Variants in SENP8 observed in about 807,000 individuals in gnomAD.
The protein encoded by SENP8 is SUMO peptidase family member, NEDD8 specific, also known as sentrin-specific protease 8.
In SENP8, 10 loss-of-function variants were observed where a neutral mutation model predicts 14.4. The ratio of observed to expected loss-of-function variants is 0.69; its 90% CI spans 0.43 to 1.18. SENP8 has a LOEUF of 1.18. SENP8 is among the 50% of genes most tolerant of loss of function. The probability of loss-of-function intolerance (pLI) is 0.00; values close to 1 mark genes in which losing one functional copy is unlikely to be tolerated. For synonymous variants in SENP8, 94 were observed against 95.5 expected (o/e 0.98, Z 0.09); for missense variants, 202 against 249.4 (o/e 0.81, Z 1.28).
Position 72,140,200 on chromosome 15 carries a change from G to T in SENP8, c.577G>T (p.Ala193Ser). The T allele has an allele frequency of 1.2e-6, 2 of 1,614,124 alleles. No homozygotes were observed. Among genetic ancestry groups the T allele is most frequent in the Non-Finnish European group, 1.7e-6 (2 of 1,180,004 alleles). ...TESLLQLLTP[A>S]YITKKRGEWK... ...ATCACTGCTGCAGCTACTCACCCCT[G>T]CATACATCACAAAGAAGAGGGGAGA... is the stretch of plus-strand genomic sequence containing the variant. The change falls in exon 2 of 2, where the codon GCA becomes TCA. Residue 193 changes from alanine to serine, a missense_variant. Coordinates refer to ENST00000340912, the MANE Select transcript of SENP8 (RefSeq NM_145204.4).
intron 1 of SENP8, among the ~76,000 whole-genome samples, chr15:72,137,292 G>A (rs950957323): frequency 1.4e-5 from 2 of 147,086 alleles, no homozygotes; most frequent in Non-Finnish European, 3.0e-5. Flanking sequence ...TGTAAAAAAG[G>A]CGTATACCTT....
rs559891720 is a variant in SENP8, at chr15:72,128,207, A to G, written c.-48+9743A>G. Among the ~76,000 whole-genome samples, 7 of 152,340 alleles carry G rather than the reference A, an allele frequency of 4.6e-5. No individual in the cohort carries two copies. In the South Asian group the frequency reaches 8.3e-4, roughly 18 times the overall value. On this transcript the variant is annotated intron_variant, in intron 1 of 1. Coordinates refer to ENST00000340912, the MANE Select transcript of SENP8 (RefSeq NM_145204.4). Reference sequence around the variant, plus strand: ...TTGGATGATGTCTGTAATCCATTATATAGTAACCAGGTTCAATTTTCAGTC... The same window carrying G: ...TTGGATGATGTCTGTAATCCATTATGTAGTAACCAGGTTCAATTTTCAGTC...
rs2081377794 is a variant in SENP8, at chr15:72,141,246, A to G, written c.*984A>G. The G allele has an allele frequency of 6.6e-6, 1 of 152,210 alleles. No individual in the cohort carries two copies. Among genetic ancestry groups the G allele is most frequent in the African/African-American group, 2.4e-5 (1 of 41,442 alleles). 9.4% of individuals were successfully genotyped at this position (152,210 alleles called of 1,614,324 possible). On this transcript the variant is annotated 3_prime_UTR_variant, in exon 2 of 2. Coordinates refer to ENST00000340912, the MANE Select transcript of SENP8 (RefSeq NM_145204.4). ...GATTTTTGTATCTGAAACTTAACAGACTTAGAGTTGGTTTGTTTTTTAAAT... is the reference window on the plus strand; with the variant it reads ...GATTTTTGTATCTGAAACTTAACAGGCTTAGAGTTGGTTTGTTTTTTAAAT...
At chr15:72,115,052 C>T (rs1186432087), upstream of SENP8, among the ~76,000 whole-genome samples, 2 of 152,116 alleles carry the variant, frequency 1.3e-5, no homozygotes, top group African/African-American at 2.4e-5. Context: ...CCCTCAGGAA[C>T]TATATACTAC....
At chr15:72,136,997 T>C (rs1454537931) in intron 1 of SENP8, among the ~76,000 whole-genome samples, 1 of 152,182 alleles carries the variant, frequency 6.6e-6, no homozygotes, top group Non-Finnish European at 1.5e-5. Context: ...TTGTCTTGCT[T>C]CTCCTCTAAA....
chr15:72,130,557 A>ATTTTTTT (rs11411490), intron 1 of SENP8, among the ~76,000 whole-genome samples: 18 of 106,128 alleles, frequency 1.7e-4, no homozygotes, highest in East Asian at 5.7e-4. Flanking sequence ...ATGTTTTAGG[A>ATTTTTTT]TTTTTTTTTT....
chr15:72,126,286 C>T (rs1364023532), intron 1 of SENP8, among the ~76,000 whole-genome samples: 2 of 152,084 alleles, frequency 1.3e-5, no homozygotes, highest in East Asian at 1.9e-4. Context: ...ACTCAATAGC[C>T]ACAAGGGGCT....
At position 72,139,908 on chromosome 15, in the gene SENP8, C is replaced by T; in HGVS notation, c.285C>T (p.Asn95=). 6.2e-7 allele frequency: 1 copy of T among 1,614,222 alleles called. No individual in the cohort carries two copies. The change falls in exon 2 of 2, where the codon AAC becomes AAT. Residue 95 remains asparagine (N), a synonymous_variant. Transcript: ENST00000340912. ...TTTTAGCCATCAATGATAACTCCAACCAGGCAGCTGGAGGAACCCACTGGA... is the reference window on the plus strand; with the variant it reads ...TTTTAGCCATCAATGATAACTCCAATCAGGCAGCTGGAGGAACCCACTGGA... ...VVFLAINDNS[N]QAAGGTHWSL...
chr15:72,117,548 G>A, upstream of SENP8: 1 of 359,726 alleles, frequency 2.8e-6, no homozygotes, highest in Non-Finnish European at 5.0e-6. Flanking sequence ...TGTTTGGGAG[G>A]CTCGGCGCAG....
At chr15:72,118,732 T>C (rs1567063068) in intron 1 of SENP8, among the ~76,000 whole-genome samples, 1 of 152,116 alleles carries the variant, frequency 6.6e-6, no homozygotes, top group Non-Finnish European at 1.5e-5. Flanking sequence ...CAGAGGCGAA[T>C]TAAGTGGTGT....
chr15:72,136,656 T>A (rs530765407), intron 1 of SENP8, among the ~76,000 whole-genome samples: 12 of 152,308 alleles, frequency 7.9e-5, no homozygotes, highest in Admixed American at 3.9e-4. Context: ...ACGAAAATGG[T>A]TATATCACAA....
At chr15:72,127,220 G>A (rs2081229223) in intron 1 of SENP8, among the ~76,000 whole-genome samples, 2 of 152,200 alleles carry the variant, frequency 1.3e-5, no homozygotes, top group African/African-American at 2.4e-5. Context: ...GAGAGGGAAA[G>A]AGAAGAGGCA....
intron 1 of SENP8, among the ~76,000 whole-genome samples, chr15:72,130,740 T>G (rs528207688): frequency 3.4e-4 from 52 of 152,092 alleles, no homozygotes; most frequent in Non-Finnish European, 5.3e-4. Context: ...ATTTTGTATT[T>G]TTAATAGAGA....
chr15:72,130,054 G>T (rs1251034032), intron 1 of SENP8, among the ~76,000 whole-genome samples: 1 of 152,038 alleles, frequency 6.6e-6, no homozygotes, highest in African/African-American at 2.4e-5. Context: ...GCCAAGCATT[G>T]TGGTAGGCAC....
chr15:72,133,990 C>G (rs1267034942), intron 1 of SENP8, among the ~76,000 whole-genome samples: 3 of 151,924 alleles, frequency 2.0e-5, no homozygotes, highest in Non-Finnish European at 2.9e-5. Context: ...GCTCTGTCAC[C>G]CAGGCTGGAG....
upstream of SENP8, among the ~76,000 whole-genome samples, chr15:72,117,437 C>G (rs1332861612): frequency 6.6e-6 from 1 of 152,070 alleles, no homozygotes; most frequent in African/African-American, 2.4e-5. Flanking sequence ...GTTGGGGGGA[C>G]CGTGACAGAA....
intron 1 of SENP8, chr15:72,134,800 C>A: frequency 3.5e-6 from 1 of 281,732 alleles, no homozygotes; most frequent in East Asian, 9.6e-5. Flanking sequence ...AGGAATGTCC[C>A]AGAAGTGTTA....
chr15:72,130,612 G>A (rs1205339520), intron 1 of SENP8, among the ~76,000 whole-genome samples: 8 of 137,374 alleles, frequency 5.8e-5, no homozygotes, highest in Non-Finnish European at 9.1e-5. Flanking sequence ...TCCCCAGGCT[G>A]GAGTGCAATG....
chr15:72,131,698 G>C (rs1290473078), intron 1 of SENP8, among the ~76,000 whole-genome samples: 1 of 152,062 alleles, frequency 6.6e-6, no homozygotes, highest in Non-Finnish European at 1.5e-5. Context: ...GTAATGACAG[G>C]GTTTGTGTAT....
Sources: gnomAD v4.1 joint callset for allele counts (sites outside exome capture counted in the v4.1 genomes callset) on GRCh38, gnomAD v4.1.1 for gene constraint, MANE v1.5 for transcripts, NCBI Gene and HGNC (gene_info 2026-07-23, HGNC 2026-07-21) for gene names.